PAPSS1: variants seen among roughly 807,000 people sequenced by gnomAD.
The protein encoded by PAPSS1 is 3'-phosphoadenosine 5'-phosphosulfate synthase 1, also known as bifunctional 3'-phosphoadenosine 5'-phosphosulfate synthase 1.
A neutral mutation model predicts 72.0 loss-of-function variants in PAPSS1; 50 were observed. The observed-to-expected ratio is 0.69, with a 90% CI of 0.55 to 0.88. The LOEUF (loss-of-function observed/expected upper bound fraction) is 0.88. Ranked by LOEUF, PAPSS1 falls within the 40% of genes least tolerant of loss-of-function variation. PAPSS1 has a pLI of 0.00. For missense variants in PAPSS1, 657 were observed against 782.2 expected, an observed-to-expected ratio of 0.84 and a Z score of 1.91; for synonymous variants, 261 against 263.6, an observed-to-expected ratio of 0.99 and a Z score of 0.09.
At chr4:107,616,590 C>T (rs1725829263) in intron 11 of PAPSS1, among the ~76,000 whole-genome samples, 1 of 152,108 alleles carries the variant, frequency 6.6e-6, no homozygotes, top group Non-Finnish European at 1.5e-5. Flanking sequence ...TTCAATATAG[C>T]ACCATTCATA....
intron 1 of PAPSS1, among the ~76,000 whole-genome samples, chr4:107,718,172 T>G (rs1723684462): frequency 6.6e-6 from 1 of 152,172 alleles, no homozygotes; most frequent in Non-Finnish European, 1.5e-5. Context: ...TAAGATGATT[T>G]AAATATGAGA....
chr4:107,706,978 T>C (rs1723353357), intron 1 of PAPSS1, among the ~76,000 whole-genome samples: 1 of 152,194 alleles, frequency 6.6e-6, no homozygotes, highest in South Asian at 2.1e-4. Context: ...CCTGAAGCCA[T>C]GGGAGCTGAC....
rs534083532 is a variant in PAPSS1 at position 107,617,862 on chromosome 4, G to A, written c.1737-3475C>T. 5.3e-5 allele frequency among the ~76,000 whole-genome samples: 8 copies of A among 152,208 alleles called. No homozygotes were observed. The East Asian group carries it at 7.7e-4, about 15-fold the overall frequency. On this transcript the variant is annotated intron_variant, in intron 11 of 11. Transcript: ENST00000265174. The stretch of plus-strand genomic sequence containing the variant: ...AAATGTCAAGTCGACCATGATATAC[G>A]GGTCCATGCAGATGAGCTGGTTACT...
chr4:107,651,411 C>T (rs2726655), intron 9 of PAPSS1, among the ~76,000 whole-genome samples: 23,241 of 152,130 alleles, frequency 0.15, 3,207 homozygotes, highest in African/African-American at 0.37. Context: ...AGCTTCAGTT[C>T]ACACAACAAA....
chr4:107,684,768 T>C (rs1429029710), intron 4 of PAPSS1, among the ~76,000 whole-genome samples: 4 of 151,656 alleles, frequency 2.6e-5, no homozygotes, highest in Non-Finnish European at 4.4e-5. Flanking sequence ...ACCAATGTAT[T>C]TGATTGATGT....
At chr4:107,628,798 C>T (rs115518796) in intron 11 of PAPSS1, among the ~76,000 whole-genome samples, 5,831 of 152,176 alleles carry the variant, frequency 0.038, 394 homozygotes, top group African/African-American at 0.13. Flanking sequence ...AGGGAATCAC[C>T]CTGTCCACTG....
At chr4:107,663,574 C>T (rs1560576675) in intron 5 of PAPSS1, among the ~76,000 whole-genome samples, 1 of 152,190 alleles carries the variant, frequency 6.6e-6, no homozygotes, top group Non-Finnish European at 1.5e-5. Flanking sequence ...GAAACTACTG[C>T]TATCCCTTCT....
intron 10 of PAPSS1, among the ~76,000 whole-genome samples, chr4:107,643,987 CAT>C: frequency 1.3e-5 from 2 of 152,224 alleles, no homozygotes; most frequent in South Asian, 4.1e-4. Context: ...TGCACTCAAA[CAT>C]AGTATAGAGA....
At chr4:107,691,972 T>TAGG (rs36011384) in intron 3 of PAPSS1, among the ~76,000 whole-genome samples, 83,177 of 151,674 alleles carry the variant, frequency 0.55, 23,265 homozygotes, top group South Asian at 0.64. Flanking sequence ...TAAATGGTGC[T>TAGG]AGAACTGGCT....
In PAPSS1 at chr4:107,657,105, ACAAACAGT is replaced by A. The variant is rs1166023447; in HGVS notation, c.784-106_784-99del. The A allele has an allele frequency of 8.9e-5, 70 of 783,520 alleles. No homozygotes were observed. In the African/African-American group the frequency reaches 1.1e-3, roughly 12 times the overall value. 48.5% of individuals were successfully genotyped at this position (783,520 alleles called of 1,614,324 possible). On this transcript the variant is annotated intron_variant, in intron 6 of 11. Coordinates refer to ENST00000265174, the MANE Select transcript of PAPSS1 (RefSeq NM_005443.5). ...GAATTTAATTTTGAAAGCAATGGAA[ACAAACAGT>A]GTAAGGATGAGTATAGATTATACCA...
chr4:107,671,596 T>TA (rs1198773863), intron 5 of PAPSS1, among the ~76,000 whole-genome samples: 1 of 152,002 alleles, frequency 6.6e-6, no homozygotes, highest in Non-Finnish European at 1.5e-5. Context: ...TAACAAGATA[T>TA]AAAAAAATCA....
chr4:107,667,379 A>G (rs547125428), intron 5 of PAPSS1, among the ~76,000 whole-genome samples: 2 of 152,264 alleles, frequency 1.3e-5, no homozygotes, highest in South Asian at 4.1e-4. Flanking sequence ...TGTCCTAGCC[A>G]ATGATCAAAC....
intron 3 of PAPSS1, among the ~76,000 whole-genome samples, 187 bp from the exon 4 acceptor site, chr4:107,687,364 T>A (rs1451091097): frequency 1.3e-5 from 2 of 152,144 alleles, no homozygotes; most frequent in Non-Finnish European, 2.9e-5. Flanking sequence ...ATGACAATTT[T>A]AAAAGGCATA....
Position 107,614,304 on chromosome 4 carries a change from G to A in PAPSS1, c.1820C>T (p.Ala607Val). Residue 607 changes from alanine to valine, a missense_variant, in exon 12 of 12, where the codon GCT (alanine) becomes GTT (valine). This residue lies in a region of PAPSS1 where 103 missense variants were observed against 93.8 expected (regional missense o/e 1.10). Transcript: ENST00000265174. Reference protein sequence around the residue: ...EGQKPPEGFMAPKAWTVLTEY... With the variant: ...EGQKPPEGFMVPKAWTVLTEY... Reference sequence around the variant, plus strand: ...TGTCAGCACGGTCCAAGCCTTGGGAGCCATGAAACCTTCAGGTGGTTTCTG... The same window carrying A: ...TGTCAGCACGGTCCAAGCCTTGGGAACCATGAAACCTTCAGGTGGTTTCTG... The A allele has an allele frequency of 6.2e-7, 1 of 1,613,976 alleles. No homozygotes were observed. Among genetic ancestry groups the A allele is most frequent in the Non-Finnish European group, 8.5e-7 (1 of 1,179,872 alleles).
At chr4:107,691,202 A>T (rs1007597868) in intron 3 of PAPSS1, among the ~76,000 whole-genome samples, 2 of 152,140 alleles carry the variant, frequency 1.3e-5, no homozygotes, top group African/African-American at 4.8e-5. Context: ...AGTCCAAGTA[A>T]CCATCAAAAT....
intron 1 of PAPSS1, among the ~76,000 whole-genome samples, chr4:107,709,606 G>C (rs151220979): frequency 6.6e-6 from 1 of 152,056 alleles, no homozygotes; most frequent in Non-Finnish European, 1.5e-5. Context: ...AGATGACATC[G>C]CTATTGTAGA....
chr4:107,634,899 A>G (rs1047256592), intron 10 of PAPSS1, among the ~76,000 whole-genome samples: 21 of 145,678 alleles, frequency 1.4e-4, no homozygotes, highest in East Asian at 8.0e-4. Context: ...CTGGGTTCAC[A>G]CCATTCTCCT....
chr4:107,719,977 G>T, intron 1 of PAPSS1, 143 bp downstream of exon 1: 2 of 1,439,636 alleles, frequency 1.4e-6, no homozygotes, highest in East Asian at 2.9e-5. Flanking sequence ...GGCCCCAGCC[G>T]GGAGGCGCCG....
At position 107,720,228 on chromosome 4, in the gene PAPSS1, G is replaced by C. The variant is rs761677656; in HGVS notation, c.-49C>G. On this transcript the variant is annotated 5_prime_UTR_variant, in exon 1 of 12. Coordinates refer to ENST00000265174, the MANE Select transcript of PAPSS1 (RefSeq NM_005443.5). ...CGGGGTTCTCTGCGCCGGGAGGGTA[G>C]CAAGAGGAGGGCAGGCCAGCGAGCG... 14 of 1,562,340 alleles carry C rather than the reference G, an allele frequency of 9.0e-6. No homozygotes were observed. The Admixed American group carries it at 1.9e-4, about 21-fold the overall frequency.
Sources: allele counts gnomAD v4.1 joint callset (sites outside exome capture counted in the v4.1 genomes callset), GRCh38; gene constraint gnomAD v4.1.1; regional missense constraint gnomAD v4.1.1; transcripts MANE v1.5; gene names NCBI Gene and HGNC (gene_info 2026-07-23, HGNC 2026-07-21).